Variants in IWS1 observed in about 807,000 individuals in gnomAD.
IWS1 encodes protein IWS1 homolog.
IWS1 carries 27 observed loss-of-function variants against 86.7 expected under a neutral mutation model. The ratio of observed to expected loss-of-function variants is 0.31; its 90% CI spans 0.23 to 0.43. The LOEUF (loss-of-function observed/expected upper bound fraction) is 0.43. IWS1 is among the 20% of genes least tolerant of loss of function. IWS1 has a pLI of 1.00. For synonymous variants in IWS1, 313 were observed against 335.1 expected, an observed-to-expected ratio of 0.93 and a Z score of 0.72; for missense variants, 827 against 1,000.8, an observed-to-expected ratio of 0.83 and a Z score of 2.34.
At chr2:127,503,331 C>T in intron 4 of IWS1, 56 bp downstream of exon 4, 2 of 1,289,304 alleles carry the variant, frequency 1.6e-6, no homozygotes, top group Non-Finnish European at 2.2e-6. Context: ...TAACACAGAC[C>T]CCTCTCTACT....
chr2:127,507,720 T>C (rs1330132426), intron 2 of IWS1, among the ~76,000 whole-genome samples: 1 of 152,176 alleles, frequency 6.6e-6, no homozygotes, highest in Non-Finnish European at 1.5e-5. Context: ...TCCTGAGGTA[T>C]CCTCAGAGTG....
intron 7 of IWS1, among the ~76,000 whole-genome samples, chr2:127,495,783 C>T (rs897273308): frequency 5.9e-5 from 9 of 152,174 alleles, no homozygotes; most frequent in African/African-American, 1.7e-4. Flanking sequence ...TCACCTAAAA[C>T]GTTTCATTTT....
At chr2:127,520,021 T>A (rs777549) in intron 2 of IWS1, among the ~76,000 whole-genome samples, 31,225 of 152,132 alleles carry the variant, frequency 0.21, 6,734 homozygotes, top group African/African-American at 0.54. Flanking sequence ...TAGTACAGTG[T>A]GACCCATTTT....
At chr2:127,486,493 TAA>T (rs1418860439) in intron 13 of IWS1, 58 bp downstream of exon 13, 26 of 1,177,754 alleles carry the variant, frequency 2.2e-5, no homozygotes, top group Non-Finnish European at 3.2e-5. Flanking sequence ...ACACATGAAG[TAA>T]AGAGTCAAAC....
intron 2 of IWS1, chr2:127,511,349 A>G (rs764758014): frequency 8.5e-5 from 13 of 152,228 alleles, no homozygotes; most frequent in Non-Finnish European, 1.9e-4. Context: ...AATACTATCT[A>G]TACCGTAGAG....
chr2:127,498,129 A>G lies in IWS1; in HGVS notation c.1565+11T>C. On this transcript the variant is annotated intron_variant, in intron 6 of 13. Transcript: ENST00000295321. ...ACTTCTCTTTAACAAATTCCTTAAA[A>G]ACAAACTTACTGTTTTCCTCTCTTT... 6.4e-7 allele frequency: 1 copy of G among 1,563,242 alleles called. No individual in the cohort carries two copies. The highest frequency in any genetic ancestry group is 8.8e-7 in the Non-Finnish European group (1 of 1,137,360).
At chr2:127,526,495 C>T (rs1692430429), upstream of IWS1, 3 of 1,509,726 alleles carry the variant, frequency 2.0e-6, no homozygotes, top group Admixed American at 4.0e-5. Context: ...CGTCTGCCCA[C>T]GACCCTCAAA....
In IWS1 at chr2:127,489,154, A is replaced by G; in HGVS notation, c.2216+25T>C. On this transcript the variant is annotated intron_variant, in intron 12 of 13. Coordinates refer to ENST00000295321, the MANE Select transcript of IWS1 (RefSeq NM_017969.3). This position sits in a 1 kb window ranked among gnomAD's most constrained non-coding sequence, Gnocchi z 4.8. ...CGGAAATTCTCTATATAGTCTAGGA[A>G]GAAAAATTAACATTAAAACCTTACT... 6.4e-7 allele frequency: 1 copy of G among 1,565,232 alleles called. No individual in the cohort carries two copies. Among genetic ancestry groups the G allele is most frequent in the Non-Finnish European group, 8.8e-7 (1 of 1,138,456 alleles).
Position 127,505,338 on chromosome 2 carries a change from C to T in IWS1, c.565G>A (p.Glu189Lys). Residue 189 changes from glutamate to lysine, a missense_variant, in exon 3 of 14, where the codon GAA (glutamate) becomes AAA (lysine). Coordinates refer to ENST00000295321, the MANE Select transcript of IWS1 (RefSeq NM_017969.3). The surrounding 1 kb of genome is among the most constrained non-coding windows in gnomAD (Gnocchi z 5.0). ...TCACTGGCTTGGTGCCTTGGGGGTT[C>T]CTCACTCTCAGAGTCACTGATTTGA... Reference protein sequence around the residue: ...KPQISDSESEEPPRHQASDSE... With the variant: ...KPQISDSESEKPPRHQASDSE... The T allele has an allele frequency of 6.2e-7, 1 of 1,613,908 alleles. No individual in the cohort carries two copies. The highest frequency in any genetic ancestry group is 8.5e-7 in the Non-Finnish European group (1 of 1,179,962).
chr2:127,516,796 AAAAAC>A (rs998916015), intron 2 of IWS1, among the ~76,000 whole-genome samples: 3 of 152,148 alleles, frequency 2.0e-5, no homozygotes, highest in Non-Finnish European at 4.4e-5. Flanking sequence ...GACCTTTTTT[AAAAAC>A]AAAACAAAAC....
In IWS1 at chr2:127,499,330, G is replaced by A. The variant is rs1439407129; in HGVS notation, c.1468-1093C>T. 6.6e-6 allele frequency among the ~76,000 whole-genome samples: 1 copy of A among 152,108 alleles called. No homozygotes were observed. The highest frequency in any genetic ancestry group is 1.9e-4 in the East Asian group (1 of 5,164). On this transcript the variant is annotated intron_variant, in intron 5 of 13. Coordinates refer to ENST00000295321, the MANE Select transcript of IWS1 (RefSeq NM_017969.3). This position sits in a 1 kb window ranked among gnomAD's most constrained non-coding sequence, Gnocchi z 4.0. ...TGGTCTCGATCTCCTGACCTTGTGA[G>A]CCGCCCACCTCGGCCTCCCAAAGTG...
At position 127,496,039 on chromosome 2, in the gene IWS1, C is replaced by T; in HGVS notation, c.1675G>A (p.Val559Ile). ...ATCTTGACGATCATGGCACTCACGACGTCGTCTGCATCACTAATAAAGGTG... is the reference window on the plus strand; with the variant it reads ...ATCTTGACGATCATGGCACTCACGATGTCGTCTGCATCACTAATAAAGGTG... ...GGTFISDADD[V>I]VSAMIVKMNE... is the part of the protein sequence containing the mutation. The change falls in exon 7 of 14, where the codon GTC (valine) becomes ATC (isoleucine). Residue 559 changes from valine to isoleucine, a missense_variant. Coordinates refer to ENST00000295321, the MANE Select transcript of IWS1 (RefSeq NM_017969.3). The T allele has an allele frequency of 1.9e-6, 3 of 1,613,804 alleles. No homozygotes were observed. Among genetic ancestry groups the T allele is most frequent in the Middle Eastern group, 1.7e-4 (1 of 6,060 alleles).
At chr2:127,522,149 A>C (rs112419972) in intron 2 of IWS1, among the ~76,000 whole-genome samples, 4,382 of 152,132 alleles carry the variant, frequency 0.029, 76 homozygotes, top group Non-Finnish European at 0.047. Flanking sequence ...GACCTCCCCT[A>C]CCCCTTAATG....
chr2:127,486,501 C>G (rs1242647439), intron 13 of IWS1, 52 bp downstream of exon 13: 2 of 1,256,370 alleles, frequency 1.6e-6, no homozygotes, highest in Non-Finnish European at 1.2e-6. Flanking sequence ...AGTAAAGAGT[C>G]AAACAGTAAT....
At chr2:127,487,128 A>T (rs1689970766) in intron 12 of IWS1, among the ~76,000 whole-genome samples, 1 of 152,174 alleles carries the variant, frequency 6.6e-6, no homozygotes, top group Admixed American at 6.5e-5. Flanking sequence ...CTCATACATC[A>T]ATTTTTAATG....
At chr2:127,509,362 T>C (rs1691319131) in intron 2 of IWS1, among the ~76,000 whole-genome samples, 1 of 152,038 alleles carries the variant, frequency 6.6e-6, no homozygotes, top group Admixed American at 6.6e-5. Flanking sequence ...CATTTCCTAG[T>C]TGTAATGGTA....
At position 127,505,036 on chromosome 2, in the gene IWS1, C is replaced by T. The variant is rs73953629; in HGVS notation, c.867G>A (p.Ser289=). 934 of 1,611,718 alleles carry T rather than the reference C, an allele frequency of 5.8e-4. 1 individual carries two copies. In the African/African-American group the frequency reaches 9.9e-3, roughly 17 times the overall value. Residue 289 remains serine, a synonymous_variant, in exon 3 of 14, where the codon TCG becomes TCA. Coordinates refer to ENST00000295321, the MANE Select transcript of IWS1 (RefSeq NM_017969.3). This position sits in a 1 kb window ranked among gnomAD's most constrained non-coding sequence, Gnocchi z 5.0. ...GGGGTTTGGGTAGCTCCTCATTTTCCGAATCACTGGCCTGGTTCCTTGGGG... is the reference window on the plus strand; with the variant it reads ...GGGGTTTGGGTAGCTCCTCATTTTCTGAATCACTGGCCTGGTTCCTTGGGG... ...EDPPRNQASD[S]ENEELPKPRV... is the part of the protein sequence containing the mutation.
chr2:127,511,187 T>C (rs1573551587), intron 2 of IWS1: 1 of 152,220 alleles, frequency 6.6e-6, no homozygotes, highest in African/African-American at 2.4e-5. Flanking sequence ...TGGATGGACT[T>C]TGTGCAACAT....
At chr2:127,481,961 G>A (rs551066757) in intron 13 of IWS1, among the ~76,000 whole-genome samples, 14 of 152,254 alleles carry the variant, frequency 9.2e-5, no homozygotes, top group African/African-American at 2.9e-4. Context: ...ATGTTTAAAG[G>A]TTTGGTTTGG....
Sources: gnomAD v4.1 joint callset for allele counts (sites outside exome capture counted in the v4.1 genomes callset) on GRCh38, gnomAD v4.1.1 for gene constraint, Gnocchi (gnomAD v3.1) non-coding constraint, MANE v1.5 for transcripts, NCBI Gene and HGNC (gene_info 2026-07-23, HGNC 2026-07-21) for gene names.